RIMS1: variants seen among roughly 807,000 people sequenced by gnomAD.
RIMS1 encodes regulating synaptic membrane exocytosis protein 1.
In RIMS1, 83 loss-of-function variants were observed where a neutral mutation model predicts 214.1. The observed-to-expected ratio is 0.39, with a 90% CI of 0.32 to 0.47. The LOEUF (loss-of-function observed/expected upper bound fraction) is 0.47. RIMS1 is among the 20% of genes least tolerant of loss of function. The pLI is 0.99. For synonymous variants in RIMS1, 793 were observed against 786.8 expected, an observed-to-expected ratio of 1.01 and a Z score of -0.13; for missense variants, 2,050 against 2,161.8, an observed-to-expected ratio of 0.95 and a Z score of 1.03.
intron 4 of RIMS1, among the ~76,000 whole-genome samples, chr6:72,136,356 T>G (rs77416785): frequency 6.6e-6 from 1 of 152,028 alleles, no homozygotes; most frequent in Non-Finnish European, 1.5e-5. Context: ...CAAATATGCA[T>G]CTTGGTGGAA....
chr6:72,206,851 C>A (rs938535773), intron 6 of RIMS1, among the ~76,000 whole-genome samples: 1 of 152,212 alleles, frequency 6.6e-6, no homozygotes, highest in South Asian at 2.1e-4. Context: ...CCCATCTGCA[C>A]TACCTTTCAG....
At chr6:72,013,039 C>G (rs188560124) in intron 2 of RIMS1, among the ~76,000 whole-genome samples, 78 of 152,292 alleles carry the variant, frequency 5.1e-4, no homozygotes, top group African/African-American at 1.8e-3. Context: ...CAAACCACTA[C>G]TTTAGTTTTT....
At chr6:72,026,424 T>A (rs1585155414) in intron 2 of RIMS1, among the ~76,000 whole-genome samples, 2 of 151,382 alleles carry the variant, frequency 1.3e-5, no homozygotes, top group Non-Finnish European at 2.9e-5. Context: ...TCAAAAATTC[T>A]GTGCCTAATG....
chr6:71,894,436 ACT>A (rs1256159683), intron 1 of RIMS1, among the ~76,000 whole-genome samples: 2 of 149,158 alleles, frequency 1.3e-5, no homozygotes, highest in Non-Finnish European at 3.0e-5. Context: ...ACAGAGTGAG[ACT>A]CTGTCTGAAA....
At position 72,207,042 on chromosome 6, in the gene RIMS1, T is replaced by A. The variant is rs143639189; in HGVS notation, c.1678+23893T>A. On this transcript the variant is annotated intron_variant, in intron 6 of 33. Coordinates refer to ENST00000521978, the MANE Select transcript of RIMS1 (RefSeq NM_014989.7). ...AGTTCATAAATATTTTTAAGAAAAA[T>A]TTTTGAAAATTATTTGAGAGAGGAA... Among the ~76,000 whole-genome samples, 4 of 152,296 alleles carry A rather than the reference T, an allele frequency of 2.6e-5. No homozygotes were observed. In the East Asian group the frequency reaches 7.7e-4, roughly 29 times the overall value.
At chr6:72,211,439 T>G (rs140374025) in intron 6 of RIMS1, among the ~76,000 whole-genome samples, 1 of 152,298 alleles carries the variant, frequency 6.6e-6, no homozygotes, top group African/African-American at 2.4e-5. Flanking sequence ...GAAGTTTACA[T>G]TTTTTACAAG....
At chr6:71,972,783 TAATC>T (rs1051042842) in intron 2 of RIMS1, among the ~76,000 whole-genome samples, 1 of 152,224 alleles carries the variant, frequency 6.6e-6, no homozygotes, top group Non-Finnish European at 1.5e-5. Context: ...AGAAGATAGA[TAATC>T]AAATAAATTA....
chr6:71,990,468 C>T (rs1801263939), intron 2 of RIMS1, among the ~76,000 whole-genome samples: 1 of 151,988 alleles, frequency 6.6e-6, no homozygotes, highest in African/African-American at 2.4e-5. Context: ...TTTAATGAAG[C>T]CTTGTAAGAC....
At chr6:72,397,798 A>G (rs1267700803) in intron 31 of RIMS1, among the ~76,000 whole-genome samples, 1 of 152,144 alleles carries the variant, frequency 6.6e-6, no homozygotes, top group Admixed American at 6.5e-5. Flanking sequence ...TTGCTGATAG[A>G]TAGATAAATA....
Position 72,096,945 on chromosome 6 carries a change from CT to C in RIMS1, c.246-3del. 1.2e-6 allele frequency: 2 copies of C among 1,611,214 alleles called. No individual in the cohort carries two copies. Among genetic ancestry groups the C allele is most frequent in the South Asian group, 2.2e-5 (2 of 90,712 alleles). Reference sequence around the variant, plus strand: ...AGTTTGCTACCATTTTCTCTTTTGCCTAGGAGATTGCATCAACAGTTTGAAA... The same window carrying C: ...AGTTTGCTACCATTTTCTCTTTTGCCAGGAGATTGCATCAACAGTTTGAAA... On this transcript the variant is annotated splice_polypyrimidine_tract_variant and splice_region_variant and intron_variant, in intron 2 of 33. Transcript: ENST00000521978.
At chr6:72,290,498 A>T (rs2093202610) in intron 24 of RIMS1, among the ~76,000 whole-genome samples, 181 bp from the exon 25 acceptor site, 2 of 152,358 alleles carry the variant, frequency 1.3e-5, no homozygotes, top group East Asian at 3.9e-4. Context: ...CATGGCGTTC[A>T]CATTTGCAAT....
chr6:72,386,040 A>C (rs1208734489), intron 29 of RIMS1, among the ~76,000 whole-genome samples: 1 of 152,330 alleles, frequency 6.6e-6, no homozygotes, highest in East Asian at 1.9e-4. Context: ...AAAATCAAGT[A>C]AATATAAAAG....
intron 29 of RIMS1, among the ~76,000 whole-genome samples, chr6:72,338,815 C>G (rs2096937806): frequency 6.7e-6 from 1 of 149,982 alleles, no homozygotes; most frequent in Admixed American, 6.7e-5. Flanking sequence ...CCCAGGCTAC[C>G]TGGTGCCAAA....
chr6:72,251,525 A>G (rs2154136878), intron 15 of RIMS1, among the ~76,000 whole-genome samples, 157 bp downstream of exon 15: 1 of 152,292 alleles, frequency 6.6e-6, no homozygotes, highest in Non-Finnish European at 1.5e-5. Flanking sequence ...AACTGTTTCT[A>G]CATTTTCACA....
chr6:72,210,456 T>C (rs1159566485), intron 6 of RIMS1, among the ~76,000 whole-genome samples: 1 of 152,194 alleles, frequency 6.6e-6, no homozygotes, highest in Non-Finnish European at 1.5e-5. Flanking sequence ...CCTTTTATTT[T>C]AAACCATCTG....
intron 2 of RIMS1, among the ~76,000 whole-genome samples, chr6:71,969,656 A>G (rs1188341957): frequency 6.6e-6 from 1 of 152,102 alleles, no homozygotes; most frequent in Non-Finnish European, 1.5e-5. Flanking sequence ...TAAAAATACA[A>G]AAATTAGCTG....
Position 72,305,314 on chromosome 6 carries a change from C to G in RIMS1, c.3851-1944C>G, listed in dbSNP as rs76417324. ...AAATTACGTGGCACTAAAAGTGAAG[C>G]TTGCAAAGCTGTGGGCTAATCAATG... On this transcript the variant is annotated intron_variant, in intron 26 of 33. Transcript: ENST00000521978. 1.2e-4 allele frequency among the ~76,000 whole-genome samples: 19 copies of G among 152,100 alleles called. No homozygotes were observed. The East Asian group carries it at 3.7e-3, about 29-fold the overall frequency.
At chr6:72,223,921 C>G (rs758558234) in intron 6 of RIMS1, among the ~76,000 whole-genome samples, 2 of 129,258 alleles carry the variant, frequency 1.5e-5, no homozygotes, top group African/African-American at 6.1e-5. Flanking sequence ...GCACTCCAGC[C>G]TGGGTGACAG....
At position 71,887,050 on chromosome 6, in the gene RIMS1, T is replaced by C. The variant is rs750186543; in HGVS notation, c.27T>C (p.Gly9=). The change falls in exon 1 of 34, where the codon GGT becomes GGC. Residue 9 remains glycine, a synonymous_variant. Coordinates refer to ENST00000521978, the MANE Select transcript of RIMS1 (RefSeq NM_014989.7). ...TGTCCTCGGCCGTGGGGCCCCGCGG[T>C]CCTCGCCCACCCACGGTGCCTCCCC... MSSAVGPR[G]PRPPTVPPPM... The C allele has an allele frequency of 1.5e-5, 24 of 1,613,140 alleles. No individual in the cohort carries two copies. Among genetic ancestry groups the C allele is most frequent in the African/African-American group, 2.7e-5 (2 of 74,868 alleles).
Sources: allele counts gnomAD v4.1 joint callset (sites outside exome capture counted in the v4.1 genomes callset), GRCh38; gene constraint gnomAD v4.1.1; transcripts MANE v1.5; gene names NCBI Gene and HGNC (gene_info 2026-07-23, HGNC 2026-07-21).